The following STK38 variants were observed in gnomAD, a reference collection of about 807,000 sequenced individuals.
STK38 encodes serine/threonine-protein kinase 38.
Under a neutral mutation model 59.0 loss-of-function variants are expected in STK38, and 26 were observed. That is an observed-to-expected ratio of 0.44 (90% CI 0.32 to 0.61). STK38 has a LOEUF of 0.61. STK38 is among the 20% of genes least tolerant of loss of function. STK38 has a pLI of 0.04. For missense variants in STK38, 433 were observed against 566.0 expected (o/e 0.76, Z 2.38); for synonymous variants, 175 against 176.6 (o/e 0.99, Z 0.07).
intron 4 of STK38, chr6:36,522,076 T>A (rs776482814): frequency 3.6e-6 from 1 of 278,812 alleles, no homozygotes; most frequent in Non-Finnish European, 6.7e-6. Context: ...GCCAATCTAA[T>A]TTAAAACCTT....
rs767511540 is a variant in STK38 at position 36,525,664 on chromosome 6, G to A, written c.132-22C>T. On this transcript the variant is annotated intron_variant, in intron 2 of 13. Coordinates refer to ENST00000229812, the MANE Select transcript of STK38 (RefSeq NM_007271.4). ...TTGTCTAAAACAAACAAAAACAAAAGACATGAAATCACATCTGAATGATAA... is the reference window on the plus strand; with the variant it reads ...TTGTCTAAAACAAACAAAAACAAAAAACATGAAATCACATCTGAATGATAA... The A allele has an allele frequency of 3.7e-6, 6 of 1,600,188 alleles. No homozygotes were observed. In the Admixed American group the frequency reaches 5.0e-5, roughly 13 times the overall value.
At chr6:36,507,168 G>A (rs1582413566) in intron 8 of STK38, among the ~76,000 whole-genome samples, 1 of 150,322 alleles carries the variant, frequency 6.7e-6, no homozygotes, top group East Asian at 1.9e-4. Context: ...TGTCATGAAG[G>A]ACAAATCTAG....
chr6:36,519,124 A>G (rs1777323606), intron 5 of STK38, among the ~76,000 whole-genome samples: 1 of 152,158 alleles, frequency 6.6e-6, no homozygotes, highest in South Asian at 2.1e-4. Flanking sequence ...TTGAGTTTTC[A>G]GTATCTACTA....
intron 10 of STK38, among the ~76,000 whole-genome samples, chr6:36,498,965 C>T (rs938701172): frequency 6.6e-6 from 1 of 152,100 alleles, no homozygotes; most frequent in Non-Finnish European, 1.5e-5. Context: ...AGGATTTCCA[C>T]TTATCCCAGA....
At position 36,496,824 on chromosome 6, in the gene STK38, C is replaced by A. The variant is rs1308403962; in HGVS notation, c.1173-19G>T. On this transcript the variant is annotated intron_variant, in intron 12 of 13. Coordinates refer to ENST00000229812, the MANE Select transcript of STK38 (RefSeq NM_007271.4). Reference sequence around the variant, plus strand: ...TCTCTCTCTGCCAAGAATACACATGCCAAAAATTACTAAGTTAGTAATCAA... The same window carrying A: ...TCTCTCTCTGCCAAGAATACACATGACAAAAATTACTAAGTTAGTAATCAA... The A allele has an allele frequency of 6.4e-7, 1 of 1,560,630 alleles. No homozygotes were observed. Among genetic ancestry groups the A allele is most frequent in the Non-Finnish European group, 8.8e-7 (1 of 1,135,592 alleles).
chr6:36,527,191 C>CAAAAAAAAAAA (rs777770396), intron 2 of STK38, among the ~76,000 whole-genome samples: 3 of 46,040 alleles, frequency 6.5e-5, no homozygotes, highest in African/African-American at 2.9e-4. Context: ...GACTCCGTCT[C>CAAAAAAAAAAA]AAAAAAAAAA....
rs1235447491 is a variant in STK38 at position 36,495,349 on chromosome 6, G to A, written c.*435C>T. 1 of 167,666 alleles carries A rather than the reference G, an allele frequency of 6.0e-6. No individual in the cohort carries two copies. Among genetic ancestry groups the A allele is most frequent in the African/African-American group, 2.4e-5 (1 of 41,694 alleles). The allele number at this position is 167,666 out of a possible 1,614,324, so 10.4% of individuals were successfully genotyped here. A position where few individuals can be genotyped will look rare whatever the true frequency, so the allele number is the denominator to read the frequency against. ...ATTGCTTTATTTCCTTAGTACTATG[G>A]AACTTTTAGCTATAAAGGAAATACT... is the stretch of plus-strand genomic sequence containing the variant. On this transcript the variant is annotated 3_prime_UTR_variant, in exon 14 of 14. Coordinates refer to ENST00000229812, the MANE Select transcript of STK38 (RefSeq NM_007271.4).
At chr6:36,539,973 T>G in intron 2 of STK38, 99 bp downstream of exon 2, 1 of 1,543,834 alleles carries the variant, frequency 6.5e-7, no homozygotes, top group South Asian at 1.2e-5. Context: ...ATAATAAGGC[T>G]GCTACTATTC....
At chr6:36,541,713 C>A (rs1168828497) in intron 1 of STK38, among the ~76,000 whole-genome samples, 1 of 152,044 alleles carries the variant, frequency 6.6e-6, no homozygotes, top group East Asian at 1.9e-4. Context: ...TATGTGTTTA[C>A]TGTATATGCA....
chr6:36,531,869 A>G (rs1329387456), intron 2 of STK38, among the ~76,000 whole-genome samples: 1 of 152,206 alleles, frequency 6.6e-6, no homozygotes, highest in Admixed American at 6.5e-5. Context: ...CCTTGCAGTA[A>G]GCCCTTTGTT....
intron 2 of STK38, among the ~76,000 whole-genome samples, chr6:36,532,719 T>C (rs1037531302): frequency 6.6e-6 from 1 of 152,008 alleles, no homozygotes; most frequent in Admixed American, 6.6e-5. Flanking sequence ...GCCAACATGG[T>C]GAAACCCCGC....
intron 12 of STK38, among the ~76,000 whole-genome samples, chr6:36,497,343 C>T (rs989668095): frequency 6.6e-6 from 1 of 152,214 alleles, no homozygotes; most frequent in African/African-American, 2.4e-5. Context: ...TAGTCTACTA[C>T]CCCCACCATA....
chr6:36,496,847 C>CA, intron 12 of STK38, 42 bp from the exon 13 acceptor site: 1 of 1,391,418 alleles, frequency 7.2e-7, no homozygotes. Flanking sequence ...AGTTAGTAAT[C>CA]AAATGGATCA....
intron 5 of STK38, 106 bp downstream of exon 5, chr6:36,521,628 A>G: frequency 1.4e-6 from 1 of 731,418 alleles, no homozygotes; most frequent in South Asian, 2.6e-5. Context: ...TACATGACAG[A>G]GCTAAAGAAA....
intron 10 of STK38, 96 bp from the exon 11 acceptor site, chr6:36,498,582 C>CTTTTTTTTTTT (rs1219622406): frequency 5.3e-5 from 55 of 1,039,128 alleles, no homozygotes; most frequent in South Asian, 2.2e-4. Context: ...CTTTTTTTTT[C>CTTTTTTTTTTT]TTTTTTCTTT....
chr6:36,525,143 T>C (rs1777480658), intron 3 of STK38, among the ~76,000 whole-genome samples: 2 of 152,172 alleles, frequency 1.3e-5, no homozygotes, highest in Non-Finnish European at 2.9e-5. Context: ...AAAACCTAGA[T>C]GACAGGTTGA....
intron 3 of STK38, among the ~76,000 whole-genome samples, 167 bp from the exon 4 acceptor site, chr6:36,524,630 T>G (rs1340928802): frequency 1.3e-5 from 2 of 152,164 alleles, no homozygotes; most frequent in Non-Finnish European, 2.9e-5. Context: ...AGGTCACTTC[T>G]CCCTTTCCTG....
chr6:36,543,031 C>T (rs1473920642), intron 1 of STK38, among the ~76,000 whole-genome samples: 2 of 152,158 alleles, frequency 1.3e-5, no homozygotes, highest in Non-Finnish European at 2.9e-5. Flanking sequence ...AAATTGTTCA[C>T]TAACATTGAC....
intron 9 of STK38, among the ~76,000 whole-genome samples, chr6:36,502,202 G>C (rs1420650259): frequency 6.6e-6 from 1 of 152,074 alleles, no homozygotes; most frequent in African/African-American, 2.4e-5. Context: ...GAGTGCAGTG[G>C]TATGATCATA....
Sources: allele counts gnomAD v4.1 joint callset (sites outside exome capture counted in the v4.1 genomes callset), GRCh38; gene constraint gnomAD v4.1.1; transcripts MANE v1.5; gene names NCBI Gene and HGNC (gene_info 2026-07-23, HGNC 2026-07-21).